Variants in EEIG2 observed in about 807,000 individuals in gnomAD.
The protein encoded by EEIG2 is EEIG family member 2, also known as family with sequence similarity 102 member B.
the EEIG2 span, among the ~76,000 whole-genome samples, chr1:108,583,018 A>G: frequency 6.6e-6 from 1 of 152,086 alleles, no homozygotes; most frequent in South Asian, 2.1e-4. Context: ...AATGTGGAAA[A>G]TATATAAAAT....
the EEIG2 span, among the ~76,000 whole-genome samples, chr1:108,620,976 A>G: frequency 6.6e-6 from 1 of 152,172 alleles, no homozygotes; most frequent in Admixed American, 6.5e-5. Flanking sequence ...GGGGACACTG[A>G]GCTAAGTTTA....
chr1:108,634,305 AGTTTCTGG>A, the EEIG2 span, among the ~76,000 whole-genome samples: 1 of 152,156 alleles, frequency 6.6e-6, no homozygotes. Flanking sequence ...TGAGAACAGG[AGTTTCTGG>A]GCAATCAACT....
At chr1:108,582,865 GA>G in the EEIG2 span, among the ~76,000 whole-genome samples, 1 of 151,262 alleles carries the variant, frequency 6.6e-6, no homozygotes, top group South Asian at 2.1e-4. Context: ...ATATTTGGGG[GA>G]TGCAGTGAAG....
the EEIG2 span, among the ~76,000 whole-genome samples, chr1:108,576,052 G>T: frequency 9.2e-5 from 14 of 152,196 alleles, no homozygotes; most frequent in African/African-American, 3.4e-4. Context: ...GTCACTGTTT[G>T]CCCAGGCTGT....
the EEIG2 span, among the ~76,000 whole-genome samples, chr1:108,620,756 G>A: frequency 1.3e-5 from 2 of 151,954 alleles, no homozygotes; most frequent in African/African-American, 2.4e-5. Context: ...ATTCTTCCAG[G>A]GTCCCAGGAT....
At chr1:108,637,014 A>C in the EEIG2 span, 1 of 152,168 alleles carries the variant, frequency 6.6e-6, no homozygotes. Context: ...AGTGGGGTTC[A>C]GTGAGGACAT....
chr1:108,628,906 C>T, the EEIG2 span: 1 of 987,734 alleles, frequency 1.0e-6, no homozygotes, highest in Non-Finnish European at 1.4e-6. Context: ...CTGACTGTTG[C>T]ATATTTGTAT....
chr1:108,631,459 C>T, the EEIG2 span, among the ~76,000 whole-genome samples: 1 of 152,044 alleles, frequency 6.6e-6, no homozygotes, highest in South Asian at 2.1e-4. Flanking sequence ...AAAGTCATAA[C>T]ATTATAATAA....
At chr1:108,611,637 A>G in the EEIG2 span, among the ~76,000 whole-genome samples, 1 of 152,228 alleles carries the variant, frequency 6.6e-6, no homozygotes, top group Admixed American at 6.5e-5. Flanking sequence ...ACCAAAGAAA[A>G]TAGGTGATTC....
the EEIG2 span, chr1:108,626,385 C>T: frequency 6.6e-6 from 1 of 152,138 alleles, no homozygotes; most frequent in East Asian, 1.9e-4. Context: ...GCAGAAGGCC[C>T]GGGACACAGT....
At chr1:108,617,797 T>C in the EEIG2 span, among the ~76,000 whole-genome samples, 6 of 152,076 alleles carry the variant, frequency 3.9e-5, no homozygotes, top group African/African-American at 1.2e-4. Flanking sequence ...GAAAACCAAA[T>C]GAAGAAACGG....
At chr1:108,625,466 C>T in the EEIG2 span, 4 of 152,152 alleles carry the variant, frequency 2.6e-5, no homozygotes, top group African/African-American at 9.6e-5. Flanking sequence ...TATAATTAAC[C>T]CTTTCACTGC....
At chr1:108,560,136 GC>G in the EEIG2 span, 1 of 177,866 alleles carries the variant, frequency 5.6e-6, no homozygotes, top group South Asian at 1.3e-4. Context: ...GGCGGCGGCG[GC>G]GGCGGCGAGC....
the EEIG2 span, chr1:108,606,172 T>A: frequency 4.9e-5 from 59 of 1,210,050 alleles, no homozygotes; most frequent in African/African-American, 8.1e-4. Flanking sequence ...TATATTTAAT[T>A]TTAAATCTTT....
the EEIG2 span, among the ~76,000 whole-genome samples, chr1:108,610,658 C>T: frequency 7.2e-5 from 11 of 152,050 alleles, no homozygotes; most frequent in East Asian, 1.9e-4. Flanking sequence ...CAGCTGGGCG[C>T]GGTGGCTCAC....
At chr1:108,596,249 C>G in the EEIG2 span, among the ~76,000 whole-genome samples, 1 of 151,282 alleles carries the variant, frequency 6.6e-6, no homozygotes. Context: ...TTAGATTATT[C>G]AGTACTTGAC....
At chr1:108,630,020 C>T in the EEIG2 span, among the ~76,000 whole-genome samples, 1 of 152,072 alleles carries the variant, frequency 6.6e-6, no homozygotes, top group South Asian at 2.1e-4. Flanking sequence ...GGGCTGTTGC[C>T]CAAGCTGGAG....
At chr1:108,570,444 T>C in the EEIG2 span, among the ~76,000 whole-genome samples, 5 of 152,132 alleles carry the variant, frequency 3.3e-5, no homozygotes, top group Admixed American at 2.6e-4. Flanking sequence ...AGGGTTGGAA[T>C]TGAAGAGAAT....
At chr1:108,591,549 A>T in the EEIG2 span, among the ~76,000 whole-genome samples, 3 of 152,240 alleles carry the variant, frequency 2.0e-5, no homozygotes, top group Non-Finnish European at 4.4e-5. Context: ...GAAATGTATC[A>T]ATCATAGGAG....
Sources: allele counts gnomAD v4.1 joint callset (sites outside exome capture counted in the v4.1 genomes callset), GRCh38; gene constraint gnomAD v4.1.1; transcripts MANE v1.5; gene names NCBI Gene and HGNC (gene_info 2026-07-23, HGNC 2026-07-21).